Variants in SNX29 observed in about 807,000 individuals in gnomAD.
SNX29 encodes the protein sorting nexin-29.
In SNX29, 78 loss-of-function variants were observed where a neutral mutation model predicts 102.1. The observed-to-expected ratio is 0.76, with a 90% CI of 0.64 to 0.92. SNX29 has a LOEUF of 0.92. Ranked by LOEUF, SNX29 falls within the 40% of genes least tolerant of loss-of-function variation. The pLI is 0.00. For missense variants in SNX29, 1,280 were observed against 1,061.7 expected (o/e 1.21, Z -2.86); for synonymous variants, 580 against 414.5 (o/e 1.40, Z -4.85).
chr16:11,981,037 G>C (rs150899129), intron 1 of SNX29, among the ~76,000 whole-genome samples: 1 of 150,688 alleles, frequency 6.6e-6, no homozygotes, highest in Non-Finnish European at 1.5e-5. Context: ...GAGAAATCTC[G>C]TCTCACTGCA....
chr16:12,484,738 T>A (rs921905160), intron 19 of SNX29, among the ~76,000 whole-genome samples: 1 of 152,226 alleles, frequency 6.6e-6, no homozygotes, highest in Non-Finnish European at 1.5e-5. Flanking sequence ...CAGTTCAGAT[T>A]TGCCCTCCTT....
chr16:12,067,780 G>A (rs1567176717), intron 9 of SNX29, among the ~76,000 whole-genome samples: 1 of 152,172 alleles, frequency 6.6e-6, no homozygotes, highest in African/African-American at 2.4e-5. Context: ...GAGCCACCGC[G>A]CCTGGCCCAA....
At chr16:12,140,571 T>A (rs1031299081) in intron 13 of SNX29, among the ~76,000 whole-genome samples, 1 of 152,118 alleles carries the variant, frequency 6.6e-6, no homozygotes, top group African/African-American at 2.4e-5. Flanking sequence ...TCCCTGACAG[T>A]GGGTTGCTTC....
chr16:12,142,714 C>T (rs1388652996), intron 13 of SNX29, among the ~76,000 whole-genome samples: 1 of 151,860 alleles, frequency 6.6e-6, no homozygotes, highest in African/African-American at 2.4e-5. Context: ...CAGGCGCCTG[C>T]CACCACGCCT....
At chr16:12,246,872 A>T (rs2078274320) in intron 14 of SNX29, among the ~76,000 whole-genome samples, 1 of 152,138 alleles carries the variant, frequency 6.6e-6, no homozygotes, top group South Asian at 2.1e-4. Context: ...GTTGGAACTC[A>T]GGTCTGTGGG....
chr16:12,226,585 T>C lies in SNX29; in HGVS notation c.1678+26902T>C, dbSNP rs113658242. ...GTGGACTGAGCCTTCTTTTTTTTTTTTTTTTGGAGACAGAGTCTTGCTCTG... is the reference window on the plus strand; with the variant it reads ...GTGGACTGAGCCTTCTTTTTTTTTTCTTTTTGGAGACAGAGTCTTGCTCTG... On this transcript the variant is annotated intron_variant, in intron 14 of 20. Coordinates refer to ENST00000566228, the MANE Select transcript of SNX29 (RefSeq NM_032167.5). 3.7e-3 allele frequency among the ~76,000 whole-genome samples: 552 copies of C among 150,620 alleles called. 1 individual carries two copies. Among genetic ancestry groups the C allele is most frequent in the South Asian group, 0.012 (56 of 4,744 alleles).
chr16:12,015,869 T>C (rs2151075627), intron 3 of SNX29, among the ~76,000 whole-genome samples: 1 of 150,862 alleles, frequency 6.6e-6, no homozygotes, highest in African/African-American at 2.4e-5. Context: ...TCTTTTTATT[T>C]ATTTATTTTT....
intron 16 of SNX29, among the ~76,000 whole-genome samples, chr16:12,381,094 T>A (rs1224779061): frequency 6.6e-3 from 25 of 3,812 alleles, no homozygotes; most frequent in South Asian, 0.026. Context: ...CCACCCACCA[T>A]CCATCCACCC....
At chr16:12,544,131 C>G (rs909793535) in intron 20 of SNX29, among the ~76,000 whole-genome samples, 4 of 152,146 alleles carry the variant, frequency 2.6e-5, no homozygotes, top group East Asian at 1.9e-4. Flanking sequence ...AGTCCATAAC[C>G]CTATATTCAC....
At position 12,289,608 on chromosome 16, in the gene SNX29, C is replaced by G. The variant is rs546165743; in HGVS notation, c.1782+11572C>G. ...CCTCATTTCCAGTTGTGCCTCTGATCTGGAAGTCTGGAGTACTTGCGAACG... is the reference window on the plus strand; with the variant it reads ...CCTCATTTCCAGTTGTGCCTCTGATGTGGAAGTCTGGAGTACTTGCGAACG... On this transcript the variant is annotated intron_variant, in intron 15 of 20. Coordinates refer to ENST00000566228, the MANE Select transcript of SNX29 (RefSeq NM_032167.5). Among the ~76,000 whole-genome samples the G allele has an allele frequency of 2.6e-5, 4 of 152,300 alleles. No individual in the cohort carries two copies. In the East Asian group the frequency reaches 7.7e-4, roughly 29 times the overall value.
intron 13 of SNX29, among the ~76,000 whole-genome samples, chr16:12,146,080 C>T (rs546554137): frequency 6.6e-6 from 1 of 152,292 alleles, no homozygotes; most frequent in Admixed American, 6.5e-5. Flanking sequence ...TGATTTGTAA[C>T]GGCTGTGTAG....
intron 11 of SNX29, chr16:12,089,862 G>A (rs1430557599): frequency 5.0e-6 from 2 of 396,744 alleles, no homozygotes; most frequent in Non-Finnish European, 9.9e-6. Context: ...CCTTCCCTCC[G>A]CCCTCCCTTG....
chr16:12,104,256 C>A (rs1334158860), intron 11 of SNX29, among the ~76,000 whole-genome samples: 1 of 152,060 alleles, frequency 6.6e-6, no homozygotes, highest in African/African-American at 2.4e-5. Flanking sequence ...TTGAGGTCAG[C>A]GCTTTTAAAA....
intron 19 of SNX29, among the ~76,000 whole-genome samples, chr16:12,488,677 C>T (rs1272451765): frequency 1.3e-5 from 2 of 152,148 alleles, no homozygotes; most frequent in Admixed American, 6.5e-5. Flanking sequence ...CATTCATGGT[C>T]GTTCATAGAT....
intron 18 of SNX29, among the ~76,000 whole-genome samples, chr16:12,443,885 A>G (rs1031299075): frequency 6.6e-6 from 1 of 152,242 alleles, no homozygotes; most frequent in South Asian, 2.1e-4. Flanking sequence ...TACCTTCTTC[A>G]CTGGGGAATG....
At chr16:12,005,014 A>C (rs915333992) in intron 3 of SNX29, among the ~76,000 whole-genome samples, 2 of 152,190 alleles carry the variant, frequency 1.3e-5, no homozygotes, top group Non-Finnish European at 2.9e-5. Context: ...TATCCGGATG[A>C]GCGTGTGTAT....
intron 19 of SNX29, among the ~76,000 whole-genome samples, chr16:12,483,114 G>GGTTTTT (rs1555549921): frequency 3.0e-5 from 2 of 66,196 alleles, no homozygotes; most frequent in South Asian, 6.7e-4. Flanking sequence ...AAGTTATTAA[G>GGTTTTT]TTTTTTTTTT....
chr16:12,261,547 A>G (rs1464882455), intron 14 of SNX29, among the ~76,000 whole-genome samples: 76 of 70,840 alleles, frequency 1.1e-3, no homozygotes, highest in Middle Eastern at 0.014. Flanking sequence ...CGGCTGGAGT[A>G]AGTGTTTGCT....
At chr16:12,562,425 G>A in intron 20 of SNX29, among the ~76,000 whole-genome samples, 1 of 152,186 alleles carries the variant, frequency 6.6e-6, no homozygotes. Flanking sequence ...CCCACTTAAA[G>A]TGCACACAGC....
Sources: allele counts gnomAD v4.1 joint callset (sites outside exome capture counted in the v4.1 genomes callset), GRCh38; gene constraint gnomAD v4.1.1; transcripts MANE v1.5; gene names NCBI Gene and HGNC (gene_info 2026-07-23, HGNC 2026-07-21).